NEO1: variants seen among roughly 807,000 people sequenced by gnomAD.
NEO1 encodes the protein neogenin 1.
In NEO1, 63 loss-of-function variants were observed where a neutral mutation model predicts 159.7. That is an observed-to-expected ratio of 0.39 (90% CI 0.32 to 0.49). NEO1 has a LOEUF of 0.49. Ranked by LOEUF, NEO1 falls within the 20% of genes least tolerant of loss-of-function variation. The pLI, the probability that NEO1 is intolerant of heterozygous loss-of-function variation, is 0.85. For missense variants in NEO1, 1,615 were observed against 1,831.0 expected, an observed-to-expected ratio of 0.88 and a Z score of 2.15; for synonymous variants, 633 against 662.0, an observed-to-expected ratio of 0.96 and a Z score of 0.67.
chr15:73,066,641 A>G (rs928635491), intron 1 of NEO1, among the ~76,000 whole-genome samples: 3 of 152,188 alleles, frequency 2.0e-5, no homozygotes, highest in African/African-American at 7.2e-5. Flanking sequence ...GTGATTTAAA[A>G]TTAGGCTTTA....
At position 73,249,061 on chromosome 15, in the gene NEO1, T is replaced by G; in HGVS notation, c.1608T>G (p.Val536=). The change falls in exon 10 of 29, where the codon GTT becomes GTG. Residue 536 remains valine (V), a splice_region_variant and synonymous_variant. Transcript: ENST00000261908. ...GCTTTCTCGAACTTTTCTTTCTAGTTCAGCTCCCTGGCCCAGCACCTAACC... is the reference window on the plus strand; with the variant it reads ...GCTTTCTCGAACTTTTCTTTCTAGTGCAGCTCCCTGGCCCAGCACCTAACC... ...APLRVETQPE[V]QLPGPAPNLR... The G allele has an allele frequency of 1.2e-6, 2 of 1,613,886 alleles. No individual in the cohort carries two copies. The highest frequency in any genetic ancestry group is 8.5e-7 in the Non-Finnish European group (1 of 1,179,870).
At chr15:73,131,115 A>C (rs1408820158) in intron 4 of NEO1, among the ~76,000 whole-genome samples, 1 of 152,220 alleles carries the variant, frequency 6.6e-6, no homozygotes, top group Non-Finnish European at 1.5e-5. Context: ...GAGCTAAAAC[A>C]GAAGGATTAA....
At chr15:73,271,906 CA>C (rs57979197) in intron 18 of NEO1, among the ~76,000 whole-genome samples, 63,977 of 92,450 alleles carry the variant, frequency 0.69, 20,349 homozygotes, top group Admixed American at 0.79. Flanking sequence ...GACTCCATCT[CA>C]AAAAAAAAAA....
At chr15:73,248,654 CG>C (rs1567596535) in intron 9 of NEO1, among the ~76,000 whole-genome samples, 4 of 152,184 alleles carry the variant, frequency 2.6e-5, no homozygotes. Context: ...TTAGCACTTA[CG>C]ACATTTTTTG....
intron 9 of NEO1, 115 bp downstream of exon 9, chr15:73,244,613 G>T: frequency 2.5e-6 from 3 of 1,202,154 alleles, no homozygotes; most frequent in Non-Finnish European, 3.4e-6. Flanking sequence ...CTTACTTTCG[G>T]GGTCCTTATC....
chr15:73,122,075 A>G (rs879914222), intron 2 of NEO1, among the ~76,000 whole-genome samples: 6,181 of 67,610 alleles, frequency 0.091, 238 homozygotes, highest in East Asian at 0.24. Context: ...ATATATATAT[A>G]TATATATATA....
At chr15:73,270,564 T>C in intron 18 of NEO1, 110 bp downstream of exon 18, 1 of 1,234,700 alleles carries the variant, frequency 8.1e-7, no homozygotes, top group African/African-American at 1.5e-5. Context: ...ACATTTGGAA[T>C]TCAGTGTTTG....
chr15:73,269,064 T>G (rs1375135818), intron 16 of NEO1, among the ~76,000 whole-genome samples: 1 of 152,124 alleles, frequency 6.6e-6, no homozygotes, highest in East Asian at 1.9e-4. Flanking sequence ...CTTGAGTTCC[T>G]TTTGCTTTAT....
intron 1 of NEO1, among the ~76,000 whole-genome samples, chr15:73,078,815 T>C (rs544664955): frequency 1.3e-5 from 2 of 152,340 alleles, no homozygotes; most frequent in South Asian, 2.1e-4. Flanking sequence ...GCTTTAGTTT[T>C]CTCATGTGTA....
chr15:73,140,696 A>G (rs1218272392), intron 5 of NEO1, among the ~76,000 whole-genome samples: 2 of 152,338 alleles, frequency 1.3e-5, no homozygotes, highest in African/African-American at 2.4e-5. Context: ...GAATAATTCA[A>G]ATCTCCATCA....
intron 5 of NEO1, among the ~76,000 whole-genome samples, chr15:73,139,188 A>C (rs1486830320): frequency 6.6e-6 from 1 of 152,170 alleles, no homozygotes; most frequent in African/African-American, 2.4e-5. Flanking sequence ...TGGATTAAAC[A>C]CTTAAACATA....
Position 73,253,390 on chromosome 15 carries a change from GTTT to G in NEO1, c.1895-9_1895-7del. On this transcript the variant is annotated splice_region_variant and splice_polypyrimidine_tract_variant and intron_variant, in intron 11 of 28. Coordinates refer to ENST00000261908, the MANE Select transcript of NEO1 (RefSeq NM_002499.4). Reference sequence around the variant, plus strand: ...AAAAAAAAATTTTTTTTTTTTTTTTGTTTCTCTAGTTCCCAGTGCTGCTCCTCA... The same window carrying G: ...AAAAAAAAATTTTTTTTTTTTTTTTGCTCTAGTTCCCAGTGCTGCTCCTCA... 7.1e-7 allele frequency: 1 copy of G among 1,410,944 alleles called. No individual in the cohort carries two copies. 87.4% of individuals were successfully genotyped at this position (1,410,944 alleles called of 1,614,324 possible). A position where few individuals can be genotyped will look rare whatever the true frequency, so the allele number is the denominator to read the frequency against.
rs554262101 is a variant in NEO1, at chr15:73,066,924, C to G, written c.130+14119C>G. On this transcript the variant is annotated intron_variant, in intron 1 of 28. Transcript: ENST00000261908. ...TCTTTCTTTTTGCATCTTGGTTCCT[C>G]AATTCCTCATTGCCTTGATTGCCTT... Among the ~76,000 whole-genome samples, 5 of 152,348 alleles carry G rather than the reference C, an allele frequency of 3.3e-5. No homozygotes were observed. In the East Asian group the frequency reaches 9.6e-4, roughly 29 times the overall value.
At chr15:73,147,211 T>C (rs1351965957) in intron 5 of NEO1, among the ~76,000 whole-genome samples, 2 of 152,236 alleles carry the variant, frequency 1.3e-5, no homozygotes, top group African/African-American at 2.4e-5. Flanking sequence ...TGGTACATTA[T>C]AGGCATTCAG....
At chr15:73,089,231 A>T (rs962798056) in intron 1 of NEO1, among the ~76,000 whole-genome samples, 3 of 152,116 alleles carry the variant, frequency 2.0e-5, no homozygotes, top group African/African-American at 7.2e-5. Flanking sequence ...GGGAAATTTC[A>T]CTTCTTTTTA....
At chr15:73,257,387 T>C (rs1293503303) in intron 13 of NEO1, among the ~76,000 whole-genome samples, 2 of 151,998 alleles carry the variant, frequency 1.3e-5, no homozygotes, top group African/African-American at 4.8e-5. Context: ...ATTAAGAAAA[T>C]TCTTACATTT....
intron 1 of NEO1, among the ~76,000 whole-genome samples, chr15:73,104,045 G>A (rs1010962845): frequency 6.6e-5 from 10 of 152,016 alleles, no homozygotes; most frequent in African/African-American, 2.4e-4. Context: ...ATTTTTTGTA[G>A]AGATGGAGGT....
In NEO1 at chr15:73,206,205, C is replaced by T. The variant is rs569844247; in HGVS notation, c.1291+27778C>T. Among the ~76,000 whole-genome samples the T allele has an allele frequency of 1.5e-4, 23 of 152,256 alleles. No individual in the cohort carries two copies. In the South Asian group the frequency reaches 4.8e-3, roughly 32 times the overall value. Reference sequence around the variant, plus strand: ...TACAGGCATGAGCCACCACACCTGGCCTGTAAACTTTTTTTTATAACAGCT... The same window carrying T: ...TACAGGCATGAGCCACCACACCTGGTCTGTAAACTTTTTTTTATAACAGCT... On this transcript the variant is annotated intron_variant, in intron 7 of 28. Coordinates refer to ENST00000261908, the MANE Select transcript of NEO1 (RefSeq NM_002499.4).
intron 1 of NEO1, among the ~76,000 whole-genome samples, chr15:73,095,303 G>A (rs972538751): frequency 3.3e-5 from 5 of 151,614 alleles, no homozygotes; most frequent in African/African-American, 1.2e-4. Flanking sequence ...CATTTTGAAA[G>A]TGTTTTTAAA....
Sources: gnomAD v4.1 joint callset for allele counts (sites outside exome capture counted in the v4.1 genomes callset) on GRCh38, gnomAD v4.1.1 for gene constraint, MANE v1.5 for transcripts, NCBI Gene and HGNC (gene_info 2026-07-23, HGNC 2026-07-21) for gene names.